The following TEX9 variants were observed in gnomAD, a reference collection of about 807,000 sequenced individuals.
TEX9 encodes the protein testis expressed 9, also known as testis-expressed protein 9.
A neutral mutation model predicts 59.6 loss-of-function variants in TEX9; 74 were observed. The observed-to-expected ratio is 1.24, with a 90% confidence interval of 1.03 to 1.51. The LOEUF (loss-of-function observed/expected upper bound fraction) is 1.51, where lower values mean the gene tolerates loss of function less well. Among genes scored for constraint, TEX9 ranks in the 40% most tolerant of loss-of-function variants. The pLI, the probability that TEX9 is intolerant of heterozygous loss-of-function variation, is 0.00. For synonymous variants in TEX9, 186 were observed against 152.2 expected (o/e 1.22, Z -1.64); for missense variants, 522 against 447.8 (o/e 1.17, Z -1.49).
chr15:56,436,315 C>T lies in TEX9; in HGVS notation c.*29+7842C>T, dbSNP rs571355007. Among the ~76,000 whole-genome samples, 7 of 152,314 alleles carry T rather than the reference C, an allele frequency of 4.6e-5. No individual in the cohort carries two copies. In the East Asian group the frequency reaches 1.3e-3, roughly 29 times the overall value. ...GGATTAAGAAACTCACTCAAAACCG[C>T]TCAGCTACATGGAAAGTGAACAACC... On this transcript the variant is annotated intron_variant, in intron 12 of 12. Coordinates refer to ENST00000352903, the Ensembl canonical transcript of TEX9.
intron 1 of TEX9, among the ~76,000 whole-genome samples, chr15:56,322,441 A>G (rs573643335): frequency 1.2e-4 from 18 of 152,118 alleles, no homozygotes; most frequent in Non-Finnish European, 2.1e-4. Flanking sequence ...GTCTTGGAAG[A>G]GTTTTAGTGT....
At chr15:56,391,488 C>G (rs1470218600) in intron 7 of TEX9, 70 bp downstream of exon 7, 1 of 1,075,560 alleles carries the variant, frequency 9.3e-7, no homozygotes, top group African/African-American at 1.6e-5. Flanking sequence ...TCTTGGGGAA[C>G]TATTTCTTCC....
At chr15:56,377,919 T>A (rs1267337982) in intron 3 of TEX9, among the ~76,000 whole-genome samples, 5 of 152,168 alleles carry the variant, frequency 3.3e-5, no homozygotes, top group African/African-American at 1.2e-4. Flanking sequence ...TGAAGTGTGT[T>A]TACCATGAAG....
At chr15:56,338,841 C>G (rs1349800613) in intron 1 of TEX9, among the ~76,000 whole-genome samples, 1 of 152,026 alleles carries the variant, frequency 6.6e-6, no homozygotes, top group East Asian at 1.9e-4. Context: ...TCACTTGAAC[C>G]TGGGAGGCAG....
intron 1 of TEX9, among the ~76,000 whole-genome samples, chr15:56,308,716 A>G (rs1238225202): frequency 1.3e-5 from 2 of 152,080 alleles, no homozygotes; most frequent in Non-Finnish European, 2.9e-5. Flanking sequence ...TTCATTTTAA[A>G]TTAATTTTTG....
chr15:56,457,607 A>G, the TEX9 span, among the ~76,000 whole-genome samples: 340 of 152,270 alleles, frequency 2.2e-3, 1 homozygote, highest in African/African-American at 7.1e-3. Context: ...AGGATCCTTA[A>G]GGCCAGGAGT....
intron 10 of TEX9, among the ~76,000 whole-genome samples, chr15:56,427,169 A>C (rs1401977281): frequency 2.6e-5 from 4 of 152,124 alleles, no homozygotes. Flanking sequence ...CTTTTAGAAG[A>C]AGCTAGTTGA....
intron 1 of TEX9, among the ~76,000 whole-genome samples, chr15:56,295,415 A>G (rs2045195338): frequency 1.3e-5 from 2 of 152,216 alleles, no homozygotes; most frequent in African/African-American, 2.4e-5. Flanking sequence ...TTCTAACTGG[A>G]TATACCAGCT....
upstream of TEX9, chr15:56,365,362 T>C (rs890698382): frequency 2.6e-6 from 4 of 1,515,296 alleles, no homozygotes; most frequent in Admixed American, 4.1e-5. Context: ...TGGGAAGGCG[T>C]AGGCGCCCGG....
intron 1 of TEX9, among the ~76,000 whole-genome samples, chr15:56,290,488 AC>A (rs2045063468): frequency 6.6e-6 from 1 of 151,906 alleles, no homozygotes; most frequent in Admixed American, 6.6e-5. Context: ...TTGCTCTGTC[AC>A]CCAGGCTGAA....
the TEX9 span, chr15:56,456,261 A>AT: frequency 1.3e-6 from 1 of 747,230 alleles, no homozygotes; most frequent in Non-Finnish European, 2.0e-6. Context: ...ACTTAAAGCA[A>AT]TAAGTATTTC....
At chr15:56,395,914 G>A (rs1280688800) in intron 9 of TEX9, 1 of 152,098 alleles carries the variant, frequency 6.6e-6, no homozygotes, top group African/African-American at 2.4e-5. Context: ...TTCCCCTACA[G>A]TGGGTTGTCT....
chr15:56,386,463 A>G (rs991232775), intron 4 of TEX9, among the ~76,000 whole-genome samples: 9 of 151,970 alleles, frequency 5.9e-5, no homozygotes, highest in African/African-American at 1.9e-4. Flanking sequence ...ATTTTTGAAC[A>G]CTGTTAGTGC....
intron 7 of TEX9, chr15:56,393,900 T>C: frequency 4.1e-6 from 1 of 241,780 alleles, no homozygotes; most frequent in Non-Finnish European, 7.9e-6. Context: ...AATAATCTGA[T>C]GTAGTTTGGA....
chr15:56,429,328 T>TA (rs1567144468), intron 12 of TEX9: 7 of 602,812 alleles, frequency 1.2e-5, no homozygotes, highest in South Asian at 9.1e-5. Context: ...AATGAAACTT[T>TA]AAAAAAATCA....
At chr15:56,394,794 A>G (rs749706517) in exon 9 of TEX9, 88 of 1,612,986 alleles carry the variant, frequency 5.5e-5, no homozygotes, top group Middle Eastern at 4.9e-4. Context: ...GCAAACAAAA[A>G]GTATGATGGA....
intron 1 of TEX9, among the ~76,000 whole-genome samples, chr15:56,344,043 C>A (rs1421504184): frequency 6.6e-6 from 1 of 152,122 alleles, no homozygotes; most frequent in Non-Finnish European, 1.5e-5. Flanking sequence ...TGTGGAGAAA[C>A]TGGAACTCTC....
At chr15:56,350,138 ATTTG>A (rs1476331706) in intron 1 of TEX9, among the ~76,000 whole-genome samples, 4 of 152,044 alleles carry the variant, frequency 2.6e-5, no homozygotes, top group Non-Finnish European at 5.9e-5. Flanking sequence ...ACCCTAGTTT[ATTTG>A]TTTATCTTTG....
chr15:56,380,634 T>C (rs2047682663), intron 3 of TEX9, among the ~76,000 whole-genome samples: 1 of 152,196 alleles, frequency 6.6e-6, no homozygotes, highest in African/African-American at 2.4e-5. Context: ...TTTGTTTTTC[T>C]GGGAAGGTCT....
Sources: gnomAD v4.1 joint callset for allele counts (sites outside exome capture counted in the v4.1 genomes callset) on GRCh38, gnomAD v4.1.1 for gene constraint, MANE v1.5 for transcripts, NCBI Gene and HGNC (gene_info 2026-07-23, HGNC 2026-07-21) for gene names.